OLFM3: variants seen among roughly 807,000 people sequenced by gnomAD.
OLFM3 encodes the protein olfactomedin 3.
A neutral mutation model predicts 48.6 loss-of-function variants in OLFM3; 20 were observed. That is an observed-to-expected ratio of 0.41 (90% CI 0.29 to 0.60). OLFM3 has a LOEUF of 0.60. Among genes scored for constraint, OLFM3 ranks in the 20% least tolerant of loss-of-function variants. OLFM3 has a pLI of 0.28. For missense variants in OLFM3, 437 were observed against 544.3 expected (o/e 0.80, Z 1.96); for synonymous variants, 222 against 198.1 (o/e 1.12, Z -1.01).
intron 1 of OLFM3, among the ~76,000 whole-genome samples, chr1:101,913,296 G>T (rs550985914): frequency 6.6e-6 from 1 of 152,272 alleles, no homozygotes; most frequent in East Asian, 1.9e-4. Context: ...AAAGTTTGAG[G>T]TTACTAATTC....
chr1:101,858,665 T>C (rs1489104251), intron 1 of OLFM3, among the ~76,000 whole-genome samples: 1 of 151,902 alleles, frequency 6.6e-6, no homozygotes, highest in Non-Finnish European at 1.5e-5. Flanking sequence ...TCTCACGAGA[T>C]ATGGTTGTTT....
intron 1 of OLFM3, among the ~76,000 whole-genome samples, chr1:101,968,913 T>C (rs1336795): frequency 0.99 from 150,154 of 152,300 alleles, 74,059 homozygotes; most frequent in Middle Eastern, 1. Flanking sequence ...AATCAGGAAG[T>C]GCAGAGATTA....
intron 1 of OLFM3, among the ~76,000 whole-genome samples, chr1:101,850,684 C>T (rs1266511670): frequency 2.6e-5 from 4 of 151,820 alleles, no homozygotes; most frequent in Non-Finnish European, 5.9e-5. Context: ...AGAAAATAAA[C>T]AGTTAATGAG....
intron 1 of OLFM3, among the ~76,000 whole-genome samples, chr1:101,880,659 T>C (rs186147537): frequency 2.6e-5 from 4 of 151,918 alleles, no homozygotes; most frequent in African/African-American, 9.6e-5. Context: ...GTTAATAATT[T>C]TGAAATATTA....
intron 1 of OLFM3, among the ~76,000 whole-genome samples, chr1:101,929,053 G>A (rs559015200): frequency 2.6e-5 from 4 of 152,214 alleles, no homozygotes; most frequent in African/African-American, 9.6e-5. Context: ...TGAAATGCCA[G>A]AACTTGGATT....
At chr1:101,959,061 C>T (rs561235476) in intron 1 of OLFM3, among the ~76,000 whole-genome samples, 6 of 151,334 alleles carry the variant, frequency 4.0e-5, no homozygotes, top group East Asian at 3.9e-4. Context: ...CTTCCCACCC[C>T]GGTCTTAGCC....
chr1:101,991,003 AAAAAAAAAAAAAAATATATAT>A (rs1275170731), intron 1 of OLFM3, among the ~76,000 whole-genome samples: 3 of 96,952 alleles, frequency 3.1e-5, no homozygotes, highest in Non-Finnish European at 6.4e-5. Context: ...AAAAAAAAAA[AAAAAAAAAAAAAAATATATAT>A]ATATATATAT....
chr1:101,994,067 T>C (rs554231393), intron 1 of OLFM3, among the ~76,000 whole-genome samples: 2 of 151,794 alleles, frequency 1.3e-5, no homozygotes, highest in East Asian at 3.9e-4. Flanking sequence ...TAAACTAATA[T>C]ATAAGAAGTA....
intron 1 of OLFM3, among the ~76,000 whole-genome samples, chr1:101,962,793 A>C (rs1246395896): frequency 6.6e-6 from 1 of 152,122 alleles, no homozygotes; most frequent in Admixed American, 6.6e-5. Context: ...TATCATTTCA[A>C]CCTGTTTGTC....
At chr1:101,864,286 G>GT (rs2100967577) in intron 1 of OLFM3, among the ~76,000 whole-genome samples, 1 of 151,958 alleles carries the variant, frequency 6.6e-6, no homozygotes, top group South Asian at 2.1e-4. Context: ...CTGCAGTTAC[G>GT]TAGTCCTTTA....
At chr1:101,857,198 GATATTT>G (rs1303313958) in intron 1 of OLFM3, among the ~76,000 whole-genome samples, 9 of 151,818 alleles carry the variant, frequency 5.9e-5, no homozygotes, top group Non-Finnish European at 5.9e-5. Context: ...ATAAAGTAGT[GATATTT>G]ACCTAGAACA....
chr1:101,868,240 T>C (rs562984009), intron 1 of OLFM3, among the ~76,000 whole-genome samples: 2 of 152,084 alleles, frequency 1.3e-5, no homozygotes, highest in East Asian at 3.9e-4. Flanking sequence ...CAGCCAGAAG[T>C]TGGAACAGTT....
In OLFM3 at chr1:101,836,947, C is replaced by T. The variant is rs1220602393; in HGVS notation, c.148G>A (p.Val50Ile). The change falls in exon 2 of 6, where the codon GTT becomes ATT. Residue 50 changes from valine to isoleucine, a missense_variant. Val to Ile is a conservative substitution (Grantham distance 29). This residue lies in a region of OLFM3 where 314 missense variants were observed against 365.5 expected (regional missense o/e 0.86). Transcript: ENST00000370103. ...DPDGRCICTV[V>I]APEQNLCSRD... ...GAACACAGGTTTTGTTCTGGAGCAACAACTGTGCAAATGCACCGCCCATCA... is the reference window on the plus strand; with the variant it reads ...GAACACAGGTTTTGTTCTGGAGCAATAACTGTGCAAATGCACCGCCCATCA... 6.2e-7 allele frequency: 1 copy of T among 1,614,124 alleles called. No individual in the cohort carries two copies. Among genetic ancestry groups the T allele is most frequent in the Non-Finnish European group, 8.5e-7 (1 of 1,179,998 alleles).
chr1:101,903,519 G>A lies in OLFM3; in HGVS notation c.70-66494C>T, dbSNP rs778012082. 3.9e-5 allele frequency among the ~76,000 whole-genome samples: 6 copies of A among 152,022 alleles called. No homozygotes were observed. In the East Asian group the frequency reaches 7.7e-4, roughly 20 times the overall value. ...CACAGATAGGCAGAAATTTTAGTCC[G>A]TGCATGATGTTAACTGTTGAGTTTG... On this transcript the variant is annotated intron_variant, in intron 1 of 5. Transcript: ENST00000370103.
chr1:101,867,828 G>T (rs1656916830), intron 1 of OLFM3, among the ~76,000 whole-genome samples: 1 of 152,174 alleles, frequency 6.6e-6, no homozygotes, highest in Non-Finnish European at 1.5e-5. Flanking sequence ...ATCTTGAATT[G>T]TAATTCCCAT....
chr1:101,917,366 T>A (rs943644469), intron 1 of OLFM3, among the ~76,000 whole-genome samples: 1 of 152,186 alleles, frequency 6.6e-6, no homozygotes, highest in Admixed American at 6.5e-5. Flanking sequence ...TTAGTGTTTC[T>A]TTTTGTAAAC....
chr1:101,921,770 C>G (rs1285296973), intron 1 of OLFM3, among the ~76,000 whole-genome samples: 1 of 151,986 alleles, frequency 6.6e-6, no homozygotes, highest in Non-Finnish European at 1.5e-5. Flanking sequence ...TTTAAGAAAC[C>G]TGCCAGGCTG....
At chr1:101,967,238 T>C (rs1010281317) in intron 1 of OLFM3, among the ~76,000 whole-genome samples, 1 of 152,104 alleles carries the variant, frequency 6.6e-6, no homozygotes, top group African/African-American at 2.4e-5. Flanking sequence ...TGCGTACTCA[T>C]GTCTACCCTT....
chr1:101,829,721 G>A (rs897017600), intron 3 of OLFM3, among the ~76,000 whole-genome samples: 1 of 152,266 alleles, frequency 6.6e-6, no homozygotes, highest in African/African-American at 2.4e-5. Flanking sequence ...AAGAAAACCA[G>A]AGGCTATTAA....
Sources: gnomAD v4.1 joint callset for allele counts (sites outside exome capture counted in the v4.1 genomes callset) on GRCh38, gnomAD v4.1.1 for gene constraint, gnomAD v4.1.1 regional missense constraint, MANE v1.5 for transcripts, NCBI Gene and HGNC (gene_info 2026-07-23, HGNC 2026-07-21) for gene names.